Variants in GGA2 observed in about 807,000 individuals in gnomAD.
GGA2 encodes ADP-ribosylation factor-binding protein GGA2.
In GGA2, 48 loss-of-function variants were observed where a neutral mutation model predicts 79.5. The ratio of observed to expected loss-of-function variants is 0.60; its 90% CI spans 0.48 to 0.77. The LOEUF is 0.77. Among genes scored for constraint, GGA2 ranks in the 30% least tolerant of loss-of-function variants. The pLI is 0.00. For synonymous variants in GGA2, 317 were observed against 302.0 expected, an observed-to-expected ratio of 1.05 and a Z score of -0.51; for missense variants, 770 against 774.0, an observed-to-expected ratio of 0.99 and a Z score of 0.06.
chr16:23,470,018 A>G lies in GGA2; in HGVS notation c.1598T>C (p.Met533Thr). Residue 533 changes from methionine (M) to threonine (T), a missense_variant, in exon 15 of 17, where the codon ATG becomes ACG. Physicochemically the swap from Met to Thr is moderately conservative, Grantham distance 81. Transcript: ENST00000309859. ...CACCTTTGGCACAGCCACTTGAAAC[A>G]TGATATCCCAGACAGGCTGGGGAGC... ...STAPQPVWDIMFQVAVPKSMR... is the reference protein window; with the variant it reads ...STAPQPVWDITFQVAVPKSMR... 1 of 1,566,288 alleles carries G rather than the reference A, an allele frequency of 6.4e-7. No homozygotes were observed. The highest frequency in any genetic ancestry group is 8.6e-7 in the Non-Finnish European group (1 of 1,156,392).
At chr16:23,482,512 T>C (rs1964660842) in intron 9 of GGA2, among the ~76,000 whole-genome samples, 1 of 152,210 alleles carries the variant, frequency 6.6e-6, no homozygotes, top group Non-Finnish European at 1.5e-5. Flanking sequence ...CTTACAGATG[T>C]ACCTTCCATT....
chr16:23,522,078 C>T, upstream of GGA2: 1 of 308,674 alleles, frequency 3.2e-6, no homozygotes, highest in South Asian at 2.8e-5. Flanking sequence ...TTATCTGACA[C>T]CTGGGAGAGG....
intron 16 of GGA2, 43 bp downstream of exon 16, chr16:23,468,843 C>A: frequency 8.6e-7 from 1 of 1,158,378 alleles, no homozygotes; most frequent in South Asian, 1.2e-5. Flanking sequence ...CCTTACAGTT[C>A]AGGGGCCCCC....
chr16:23,496,600 C>T (rs1050829768), intron 1 of GGA2, among the ~76,000 whole-genome samples: 10 of 152,184 alleles, frequency 6.6e-5, no homozygotes, highest in South Asian at 4.1e-4. Context: ...AGGTGCATCG[C>T]TTGAGCCCAG....
intron 8 of GGA2, among the ~76,000 whole-genome samples, chr16:23,483,346 A>G (rs1964672780): frequency 6.6e-6 from 1 of 152,160 alleles, no homozygotes; most frequent in East Asian, 1.9e-4. Flanking sequence ...GTCTCTACTA[A>G]AAATACAAAA....
rs921809886 is a variant in GGA2 at position 23,465,715 on chromosome 16, C to T, written c.*1875G>A. ...CAGCACTCTGGGAGGCCAAGGCAGGCGGATCACCTGAGGTCAGGAGTTCGA... is the reference window on the plus strand; with the variant it reads ...CAGCACTCTGGGAGGCCAAGGCAGGTGGATCACCTGAGGTCAGGAGTTCGA... On this transcript the variant is annotated 3_prime_UTR_variant, in exon 17 of 17. Transcript: ENST00000309859. 3.6e-6 allele frequency: 1 copy of T among 279,276 alleles called. No individual in the cohort carries two copies. The highest frequency in any genetic ancestry group is 6.8e-6 in the Non-Finnish European group (1 of 146,884). 17.3% of individuals were successfully genotyped at this position (279,276 alleles called of 1,614,324 possible).
chr16:23,511,318 ATT>A (rs35947720), upstream of GGA2, among the ~76,000 whole-genome samples: 106,500 of 144,196 alleles, frequency 0.74, 39,726 homozygotes, highest in Non-Finnish European at 0.81. Context: ...ACACCCAGCT[ATT>A]TTTTTTTTTT....
At chr16:23,470,631 T>TA (rs1339053420) in intron 14 of GGA2, among the ~76,000 whole-genome samples, 1 of 151,764 alleles carries the variant, frequency 6.6e-6, no homozygotes, top group Non-Finnish European at 1.5e-5. Flanking sequence ...GGCATGGTGG[T>TA]ACACACCTGT....
intron 1 of GGA2, 59 bp downstream of exon 1, chr16:23,510,262 G>GGAAGCGA: frequency 1.8e-6 from 2 of 1,138,454 alleles, no homozygotes; most frequent in Admixed American, 6.7e-5. Context: ...CCGGGAGGCG[G>GGAAGCGA]GAAGCGAGGC....
upstream of GGA2, among the ~76,000 whole-genome samples, chr16:23,513,486 C>T (rs1046722688): frequency 6.6e-6 from 1 of 151,938 alleles, no homozygotes; most frequent in Admixed American, 6.6e-5. Context: ...TAAGAGTTGG[C>T]CATAAAGAAA....
chr16:23,488,897 C>T (rs1185878611), intron 5 of GGA2, among the ~76,000 whole-genome samples, 188 bp from the exon 6 acceptor site: 4 of 152,118 alleles, frequency 2.6e-5, no homozygotes, highest in African/African-American at 9.7e-5. Context: ...ATCCAAGGGA[C>T]CATGGTGGCC....
intron 3 of GGA2, chr16:23,493,672 C>T (rs2239951): frequency 0.77 from 415,431 of 542,046 alleles, 160,503 homozygotes; most frequent in Non-Finnish European, 0.81. Flanking sequence ...GAGGTTTATG[C>T]CCAGGAAATA....
chr16:23,511,718 C>A (rs1308351546), upstream of GGA2, among the ~76,000 whole-genome samples: 2 of 151,874 alleles, frequency 1.3e-5, no homozygotes, highest in Non-Finnish European at 1.5e-5. Context: ...ATAATTTTCC[C>A]AAAAAAGTAT....
chr16:23,479,804 C>G lies in GGA2; in HGVS notation c.1090G>C (p.Val364Leu), dbSNP rs764773602. Residue 364 changes from valine to leucine, a missense_variant, in exon 11 of 17, where the codon GTG (valine) becomes CTG (leucine). Transcript: ENST00000309859. ...TCCTGATGAAGCAAAGATGGCACCA[C>G]AGTCCCCATCTGCGCAGGTCCATTG... ...VDNGPAQMGT[V>L]VPSLLHQDLA... 3 of 1,614,148 alleles carry G rather than the reference C, an allele frequency of 1.9e-6. No homozygotes were observed. In the South Asian group the frequency reaches 3.3e-5, roughly 18 times the overall value.
intron 1 of GGA2, among the ~76,000 whole-genome samples, chr16:23,500,023 T>C (rs1042593556): frequency 9.9e-5 from 15 of 152,184 alleles, no homozygotes; most frequent in Middle Eastern, 3.2e-3. Context: ...CTTCAGTTGG[T>C]GGGAAGCAGT....
intron 1 of GGA2, among the ~76,000 whole-genome samples, chr16:23,520,597 A>G (rs1452129217): frequency 6.6e-6 from 1 of 151,748 alleles, no homozygotes; most frequent in Non-Finnish European, 1.5e-5. Context: ...TTAGAGCTAC[A>G]GTGAAATATA....
At chr16:23,498,075 T>C (rs1036024665) in intron 1 of GGA2, among the ~76,000 whole-genome samples, 2 of 151,162 alleles carry the variant, frequency 1.3e-5, no homozygotes, top group Non-Finnish European at 1.5e-5. Flanking sequence ...AACTCAGGAG[T>C]TGGAGGCCAG....
intron 1 of GGA2, among the ~76,000 whole-genome samples, chr16:23,497,654 C>A (rs960185456): frequency 6.6e-6 from 1 of 152,178 alleles, no homozygotes; most frequent in African/African-American, 2.4e-5. Flanking sequence ...ACCCTTGAGT[C>A]CCAAGTCACA....
Position 23,478,752 on chromosome 16 carries a change from G to C in GGA2, c.1158+131C>G, listed in dbSNP as rs74012179. 367 of 776,576 alleles carry C rather than the reference G, an allele frequency of 4.7e-4. 1 individual carries two copies. In the African/African-American group the frequency reaches 5.5e-3, roughly 12 times the overall value. 48.1% of individuals were successfully genotyped at this position (776,576 alleles called of 1,614,324 possible). A position where few individuals can be genotyped will look rare whatever the true frequency, so the allele number is the denominator to read the frequency against. ...ACAGTATGGGTGAGGAAGAGGCTTT[G>C]GACCTCCAAGGCCATGATCCCACCG... On this transcript the variant is annotated intron_variant, in intron 12 of 16. Coordinates refer to ENST00000309859, the MANE Select transcript of GGA2 (RefSeq NM_015044.4).
Sources: gnomAD v4.1 joint callset for allele counts (sites outside exome capture counted in the v4.1 genomes callset) on GRCh38, gnomAD v4.1.1 for gene constraint, MANE v1.5 for transcripts, NCBI Gene and HGNC (gene_info 2026-07-23, HGNC 2026-07-21) for gene names.